The following BDNF variants were observed in gnomAD, a reference collection of about 807,000 sequenced individuals.
The protein encoded by BDNF is brain derived neurotrophic factor.
Under a neutral mutation model 19.5 loss-of-function variants are expected in BDNF, and 1 was observed. That is an observed-to-expected ratio of 0.05 (90% CI 0.02 to 0.24). The LOEUF (loss-of-function observed/expected upper bound fraction) is 0.24. BDNF is among the 10% of genes least tolerant of loss of function. The pLI, the probability that BDNF is intolerant of heterozygous loss-of-function variation, is 1.00. For synonymous variants in BDNF, 100 were observed against 121.6 expected (o/e 0.82, Z 1.17); for missense variants, 195 against 317.6 (o/e 0.61, Z 2.93).
At chr11:27,688,361 C>T (rs1005150814) in intron 1 of BDNF, among the ~76,000 whole-genome samples, 1 of 152,210 alleles carries the variant, frequency 6.6e-6, no homozygotes, top group Non-Finnish European at 1.5e-5. Flanking sequence ...GGGGTGGGAT[C>T]TGCTGAGCTA....
intron 1 of BDNF, among the ~76,000 whole-genome samples, chr11:27,663,749 G>A (rs540655823): frequency 3.9e-5 from 6 of 152,252 alleles, no homozygotes; most frequent in African/African-American, 1.2e-4. Context: ...AGAAGAGAGT[G>A]GCTGTGACAA....
intron 1 of BDNF, among the ~76,000 whole-genome samples, chr11:27,683,508 A>C (rs1034491672): frequency 1.3e-5 from 2 of 152,124 alleles, no homozygotes; most frequent in African/African-American, 4.8e-5. Flanking sequence ...GGTATTGCCT[A>C]GGTTTTCTTC....
In BDNF at chr11:27,720,610, A is replaced by G. The variant is rs531227145; in HGVS notation, c.3+802T>C. On this transcript the variant is annotated intron_variant, in intron 1 of 1. Coordinates refer to the BDNF transcript ENST00000314915. ...AAAAGACGCTTTTTAAGGGCGACAC[A>G]GGGTTGGCTTTACAGCGGGGCCAAG... is the stretch of plus-strand genomic sequence containing the variant. 4.1e-6 allele frequency: 4 copies of G among 985,606 alleles called. No individual in the cohort carries two copies. In the African/African-American group the frequency reaches 5.2e-5, roughly 13 times the overall value. The allele number at this position is 985,606 out of a possible 1,614,324, so 61.1% of individuals were successfully genotyped here.
chr11:27,721,277 TA>T, intron 1 of BDNF: 1 of 1,051,900 alleles, frequency 9.5e-7, no homozygotes, highest in African/African-American at 1.6e-5. Context: ...TTGCACTGTG[TA>T]AAAACCCGAT....
At chr11:27,659,454 A>C (rs1358173024) in intron 1 of BDNF, 22 of 1,000,212 alleles carry the variant, frequency 2.2e-5, no homozygotes, top group Non-Finnish European at 2.7e-5. Flanking sequence ...GTAAGGAGAA[A>C]ACTGAAAAAG....
At chr11:27,661,852 T>A (rs1221444112) in intron 1 of BDNF, among the ~76,000 whole-genome samples, 3 of 152,196 alleles carry the variant, frequency 2.0e-5, no homozygotes, top group Non-Finnish European at 4.4e-5. Context: ...TCCCTCTCAC[T>A]TGCTGCCAAA....
upstream of BDNF, among the ~76,000 whole-genome samples, chr11:27,704,698 A>G (rs1325066002): frequency 6.6e-6 from 1 of 152,226 alleles, no homozygotes; most frequent in Non-Finnish European, 1.5e-5. Flanking sequence ...CTCATCCTGG[A>G]TAATTTGAAA....
intron 1 of BDNF, among the ~76,000 whole-genome samples, chr11:27,678,578 C>T (rs7103411): frequency 0.82 from 124,181 of 152,202 alleles, 51,299 homozygotes; most frequent in African/African-American, 0.92. Context: ...GATACTGATA[C>T]GAACACGAAT....
intron 1 of BDNF, chr11:27,699,647 C>G: frequency 7.0e-7 from 1 of 1,432,822 alleles, no homozygotes; most frequent in Non-Finnish European, 9.1e-7. Context: ...GTCTCAATTC[C>G]TGGGGAGCAG....
At chr11:27,663,255 T>G (rs1218844381) in intron 1 of BDNF, among the ~76,000 whole-genome samples, 3 of 152,258 alleles carry the variant, frequency 2.0e-5, no homozygotes, top group Admixed American at 6.5e-5. Context: ...AGATTATATA[T>G]TTATTTATAC....
chr11:27,685,848 TGTG>T (rs1254844092), intron 1 of BDNF, among the ~76,000 whole-genome samples: 5 of 71,574 alleles, frequency 7.0e-5, no homozygotes, highest in Non-Finnish European at 1.5e-4. Flanking sequence ...ATAAGTGTGA[TGTG>T]GTGCTGAGAA....
chr11:27,714,303 T>C (rs1860438776), intron 1 of BDNF, among the ~76,000 whole-genome samples: 1 of 152,196 alleles, frequency 6.6e-6, no homozygotes, highest in African/African-American at 2.4e-5. Flanking sequence ...CTTCCTTTCA[T>C]GTTTCTTTTG....
chr11:27,673,947 G>T, intron 1 of BDNF: 1 of 1,250,962 alleles, frequency 8.0e-7, no homozygotes, highest in Non-Finnish European at 1.1e-6. Flanking sequence ...AAACTGGAAA[G>T]GTAAGTTGCC....
intron 1 of BDNF, 130 bp downstream of exon 1, chr11:27,700,034 C>G: frequency 1.1e-6 from 1 of 886,068 alleles, no homozygotes; most frequent in Non-Finnish European, 1.4e-6. Context: ...CAAATCGTCC[C>G]TTCTACCGGA....
At chr11:27,674,084 C>T (rs746371320) in intron 1 of BDNF, 6 of 1,608,980 alleles carry the variant, frequency 3.7e-6, no homozygotes, top group Non-Finnish European at 5.1e-6. Flanking sequence ...TTTCAGGGAT[C>T]AGTTTGTTAA....
intron 1 of BDNF, among the ~76,000 whole-genome samples, chr11:27,705,795 A>G (rs1860085263): frequency 6.6e-6 from 1 of 152,210 alleles, no homozygotes; most frequent in Non-Finnish European, 1.5e-5. Flanking sequence ...GTTGCCTTTC[A>G]CTTCATAGTT....
At chr11:27,686,500 C>CT (rs1039005168) in intron 1 of BDNF, among the ~76,000 whole-genome samples, 1 of 152,162 alleles carries the variant, frequency 6.6e-6, no homozygotes, top group Non-Finnish European at 1.5e-5. Flanking sequence ...TTTCAATGGT[C>CT]TTTACAATTT....
chr11:27,689,944 C>G lies in BDNF; in HGVS notation c.-22+10220G>C, dbSNP rs1858021457. On this transcript the variant is annotated intron_variant, in intron 1 of 1. Coordinates refer to ENST00000356660, the MANE Select transcript of BDNF (RefSeq NM_001709.5). ...CCTGAGTCCATGTGTTCTCTCTGTT[C>G]AGCTCCCACTTATGAGTGAGAACAT... Among the ~76,000 whole-genome samples the G allele has an allele frequency of 7.9e-5, 12 of 152,216 alleles. No individual in the cohort carries two copies. The South Asian group carries it at 2.5e-3, about 32-fold the overall frequency.
upstream of BDNF, chr11:27,700,754 T>C: frequency 8.4e-7 from 1 of 1,190,470 alleles, no homozygotes; most frequent in East Asian, 5.8e-5. Context: ...CGCCCGCGGC[T>C]TCGAGGGGTG....
Sources: gnomAD v4.1 joint callset for allele counts (sites outside exome capture counted in the v4.1 genomes callset) on GRCh38, gnomAD v4.1.1 for gene constraint, MANE v1.5 for transcripts, NCBI Gene and HGNC (gene_info 2026-07-23, HGNC 2026-07-21) for gene names.